Variants in DGKI observed in about 807,000 individuals in gnomAD.
DGKI encodes diacylglycerol kinase iota, also known as DAG kinase iota.
DGKI carries 55 observed loss-of-function variants against 147.5 expected under a neutral mutation model. The observed-to-expected ratio is 0.37, with a 90% CI of 0.30 to 0.47. The LOEUF is 0.47. Ranked by LOEUF, DGKI falls within the 20% of genes least tolerant of loss-of-function variation. The pLI, the probability that DGKI is intolerant of heterozygous loss-of-function variation, is 1.00. For synonymous variants in DGKI, 469 were observed against 477.1 expected, an observed-to-expected ratio of 0.98 and a Z score of 0.22; for missense variants, 1,007 against 1,323.8, an observed-to-expected ratio of 0.76 and a Z score of 3.71.
intron 10 of DGKI, 69 bp from the exon 11 acceptor site, chr7:137,599,974 AAAAT>A (rs1377131751): frequency 3.9e-6 from 5 of 1,297,828 alleles, no homozygotes; most frequent in African/African-American, 3.0e-5. Flanking sequence ...GCTCATTTAA[AAAAT>A]AAATACTTTT....
At chr7:137,556,438 T>A (rs983481789) in intron 19 of DGKI, among the ~76,000 whole-genome samples, 4 of 152,130 alleles carry the variant, frequency 2.6e-5, no homozygotes, top group African/African-American at 9.7e-5. Context: ...ATATTTCTAC[T>A]GATATCATCC....
intron 1 of DGKI, among the ~76,000 whole-genome samples, chr7:137,805,170 T>C (rs1475865342): frequency 6.6e-6 from 1 of 152,226 alleles, no homozygotes; most frequent in Non-Finnish European, 1.5e-5. Context: ...GTTTTATTTA[T>C]GTTTTTTAAC....
chr7:137,508,517 T>C (rs1036588944), intron 21 of DGKI, among the ~76,000 whole-genome samples: 4 of 152,078 alleles, frequency 2.6e-5, no homozygotes, highest in Admixed American at 2.0e-4. Context: ...TGAGCCACCA[T>C]GCCCGGCCGA....
At chr7:137,644,640 C>G (rs553206733) in intron 6 of DGKI, among the ~76,000 whole-genome samples, 1 of 152,088 alleles carries the variant, frequency 6.6e-6, no homozygotes, top group African/African-American at 2.4e-5. Context: ...GAAGATATTC[C>G]CCCCAAATTA....
chr7:137,568,768 C>T (rs534256063), intron 19 of DGKI, among the ~76,000 whole-genome samples: 117 of 152,062 alleles, frequency 7.7e-4, no homozygotes, highest in African/African-American at 2.7e-3. Flanking sequence ...TCTCATAAAC[C>T]TAGTGCACTA....
At chr7:137,788,621 C>T (rs1796747503) in intron 1 of DGKI, among the ~76,000 whole-genome samples, 1 of 149,022 alleles carries the variant, frequency 6.7e-6, no homozygotes, top group Admixed American at 6.7e-5. Context: ...GCCCTGCATA[C>T]CCAAACCCAT....
chr7:137,614,916 G>T (rs28666460), intron 8 of DGKI, among the ~76,000 whole-genome samples: 3,531 of 152,170 alleles, frequency 0.023, 113 homozygotes, highest in African/African-American at 0.078. Context: ...ACTGTTCTCA[G>T]TTAGTTCTAT....
In DGKI at chr7:137,388,885, T is replaced by C. The variant is rs1195578717; in HGVS notation, c.*2335A>G. 1 of 151,892 alleles carries C rather than the reference T, an allele frequency of 6.6e-6. No individual in the cohort carries two copies. The highest frequency in any genetic ancestry group is 1.9e-4 in the East Asian group (1 of 5,174). 9.4% of individuals were successfully genotyped at this position (151,892 alleles called of 1,614,324 possible). On this transcript the variant is annotated 3_prime_UTR_variant, in exon 33 of 33. Coordinates refer to ENST00000614521, the MANE Select transcript of DGKI (RefSeq NM_001321708.2). ...AACTCATCATTTTTCATAACACAGA[T>C]TTATGTCTTCAATTGGAGCTATTTA...
At chr7:137,819,462 C>T (rs1403499991) in intron 1 of DGKI, among the ~76,000 whole-genome samples, 1 of 152,122 alleles carries the variant, frequency 6.6e-6, no homozygotes, top group Non-Finnish European at 1.5e-5. Flanking sequence ...AGGCGCCCGC[C>T]ACCACGCCCA....
At position 137,598,866 on chromosome 7, in the gene DGKI, A is replaced by AAT. The variant is rs200495858; in HGVS notation, c.1250+955_1250+956dup. ...CAAGTACAGAAAATAAAAATAAATA[A>AAT]ATATATATATATGTATTATGGGACA... On this transcript the variant is annotated intron_variant, in intron 11 of 32. Transcript: ENST00000614521. Among the ~76,000 whole-genome samples the AAT allele has an allele frequency of 8.8e-3, 1,338 of 151,766 alleles. 16 individuals are homozygous for AAT. Among genetic ancestry groups the AAT allele is most frequent in the African/African-American group, 0.031 (1,271 of 41,404 alleles).
chr7:137,456,977 A>T (rs936834748), intron 27 of DGKI, among the ~76,000 whole-genome samples: 1 of 152,216 alleles, frequency 6.6e-6, no homozygotes, highest in Non-Finnish European at 1.5e-5. Flanking sequence ...TCTCTTATTA[A>T]ATATTTCACA....
At chr7:137,665,500 T>C (rs1822605560) in intron 3 of DGKI, among the ~76,000 whole-genome samples, 1 of 152,166 alleles carries the variant, frequency 6.6e-6, no homozygotes, top group African/African-American at 2.4e-5. Flanking sequence ...GCCTCTCGAG[T>C]ACCGCAGGAA....
intron 3 of DGKI, among the ~76,000 whole-genome samples, chr7:137,670,401 G>A (rs2116345095): frequency 6.6e-6 from 1 of 152,280 alleles, no homozygotes; most frequent in Admixed American, 6.5e-5. Context: ...AGTTGTCATA[G>A]TAACAATGGC....
At chr7:137,724,185 TG>T (rs1473493992) in intron 1 of DGKI, among the ~76,000 whole-genome samples, 1 of 151,926 alleles carries the variant, frequency 6.6e-6, no homozygotes, top group Non-Finnish European at 1.5e-5. Context: ...AGCCAGAAAG[TG>T]GGTGAGGTTG....
chr7:137,638,474 GTGTGTATA>G (rs1821430140), intron 6 of DGKI, among the ~76,000 whole-genome samples: 2 of 106,120 alleles, frequency 1.9e-5, no homozygotes, highest in South Asian at 2.9e-4. Flanking sequence ...GTGTATATAT[GTGTGTATA>G]TATATACACA....
Position 137,466,038 on chromosome 7 carries a change from A to T in DGKI, c.2485-3T>A. ...TCCATCACAAAGTGCAAATGTTCCT[A>T]AAGAAGAACAAGAAGTCTGTTGCAT... On this transcript the variant is annotated splice_polypyrimidine_tract_variant and splice_region_variant and intron_variant, in intron 25 of 32. Coordinates refer to ENST00000614521, the MANE Select transcript of DGKI (RefSeq NM_001321708.2). 1.2e-6 allele frequency: 2 copies of T among 1,613,532 alleles called. No individual in the cohort carries two copies. Among genetic ancestry groups the T allele is most frequent in the Non-Finnish European group, 1.7e-6 (2 of 1,179,634 alleles).
chr7:137,415,571 G>A (rs936761105), intron 28 of DGKI, among the ~76,000 whole-genome samples: 1 of 152,138 alleles, frequency 6.6e-6, no homozygotes, highest in African/African-American at 2.4e-5. Flanking sequence ...TAATACTATA[G>A]GATGTTCTCC....
At chr7:137,431,736 A>G (rs920360651) in intron 28 of DGKI, among the ~76,000 whole-genome samples, 17 of 152,350 alleles carry the variant, frequency 1.1e-4, no homozygotes, top group African/African-American at 4.1e-4. Flanking sequence ...GTAAATGTCC[A>G]GAGCAGAAGA....
chr7:137,775,415 T>C (rs1275917671), intron 1 of DGKI, among the ~76,000 whole-genome samples: 1 of 152,202 alleles, frequency 6.6e-6, no homozygotes, highest in Non-Finnish European at 1.5e-5. Context: ...CCTCTGCCAT[T>C]CCCCTGTCTT....
Sources: gnomAD v4.1 joint callset for allele counts (sites outside exome capture counted in the v4.1 genomes callset) on GRCh38, gnomAD v4.1.1 for gene constraint, MANE v1.5 for transcripts, NCBI Gene and HGNC (gene_info 2026-07-23, HGNC 2026-07-21) for gene names.